The following ANKS1B variants were observed in gnomAD, a reference collection of about 807,000 sequenced individuals.
ANKS1B encodes the protein ankyrin repeat and sterile alpha motif domain-containing protein 1B.
A neutral mutation model predicts 148.3 loss-of-function variants in ANKS1B; 36 were observed. The ratio of observed to expected loss-of-function variants is 0.24; its 90% CI spans 0.19 to 0.32. The LOEUF is 0.32. ANKS1B is among the 10% of genes least tolerant of loss of function. ANKS1B has a pLI of 1.00. For missense variants in ANKS1B, 1,157 were observed against 1,542.6 expected (o/e 0.75, Z 4.19); for synonymous variants, 542 against 560.8 (o/e 0.97, Z 0.47).
intron 12 of ANKS1B, among the ~76,000 whole-genome samples, chr12:99,317,960 A>G (rs1023856268): frequency 1.3e-5 from 2 of 152,192 alleles, no homozygotes; most frequent in Admixed American, 1.3e-4. Context: ...TATATGACGG[A>G]TTAAGTTTAT....
At chr12:99,690,588 A>C (rs1397488938) in intron 8 of ANKS1B, among the ~76,000 whole-genome samples, 1 of 152,202 alleles carries the variant, frequency 6.6e-6, no homozygotes, top group Non-Finnish European at 1.5e-5. Flanking sequence ...GGGGCAATCA[A>C]ATCTTAAAGT....
At chr12:99,118,861 G>A (rs1034353799) in intron 15 of ANKS1B, among the ~76,000 whole-genome samples, 9 of 152,090 alleles carry the variant, frequency 5.9e-5, no homozygotes, top group African/African-American at 1.4e-4. Flanking sequence ...CAGGAGTAAC[G>A]AATTTCCTGA....
chr12:99,200,811 T>TC (rs2081986735), intron 14 of ANKS1B, among the ~76,000 whole-genome samples: 1 of 152,218 alleles, frequency 6.6e-6, no homozygotes, highest in African/African-American at 2.4e-5. Context: ...GGCAGAAGTC[T>TC]TTGCTCTTTT....
intron 1 of ANKS1B, among the ~76,000 whole-genome samples, chr12:99,943,722 A>G (rs1395166904): frequency 6.6e-6 from 1 of 152,002 alleles, no homozygotes; most frequent in Non-Finnish European, 1.5e-5. Context: ...TGCGGGGATT[A>G]TGGAAGCTAC....
intron 14 of ANKS1B, among the ~76,000 whole-genome samples, chr12:99,211,398 C>T (rs2083327254): frequency 6.6e-6 from 1 of 152,174 alleles, no homozygotes; most frequent in African/African-American, 2.4e-5. Context: ...GTCCCCTCTG[C>T]TTTAACCTTT....
At position 99,417,718 on chromosome 12, in the gene ANKS1B, A is replaced by C. The variant is rs142084589; in HGVS notation, c.1576-17907T>G. Among the ~76,000 whole-genome samples, 507 of 152,172 alleles carry C rather than the reference A, an allele frequency of 3.3e-3. 1 individual carries two copies. Among genetic ancestry groups the C allele is most frequent in the African/African-American group, 0.012 (499 of 41,530 alleles). On this transcript the variant is annotated intron_variant, in intron 11 of 26. Transcript: ENST00000683438. ...ACTTCTTTGAACATTTTTTTTCATC[A>C]GTGTTTTGTAGTTTTCAGTATACAA...
chr12:99,802,806 A>C (rs1004059000), intron 4 of ANKS1B, among the ~76,000 whole-genome samples: 5 of 151,916 alleles, frequency 3.3e-5, no homozygotes, highest in African/African-American at 1.2e-4. Context: ...CCACCTACTC[A>C]GGAGGCTGAA....
intron 10 of ANKS1B, among the ~76,000 whole-genome samples, chr12:99,467,772 G>A (rs547121766): frequency 6.6e-6 from 1 of 152,108 alleles, no homozygotes; most frequent in Admixed American, 6.5e-5. Flanking sequence ...ACAAACCACT[G>A]CTCAATGAAA....
chr12:99,982,480 T>C (rs1170563578), intron 1 of ANKS1B, among the ~76,000 whole-genome samples: 1 of 152,218 alleles, frequency 6.6e-6, no homozygotes, highest in Non-Finnish European at 1.5e-5. Context: ...TTCCTCATGT[T>C]TTCCCGAAGA....
At chr12:98,971,924 C>A (rs917893902) in intron 17 of ANKS1B, among the ~76,000 whole-genome samples, 10 of 152,082 alleles carry the variant, frequency 6.6e-5, no homozygotes, top group African/African-American at 2.4e-4. Flanking sequence ...TTCTGGCACT[C>A]TGGGAGGCTG....
intron 9 of ANKS1B, among the ~76,000 whole-genome samples, chr12:99,653,058 A>ACGTT (rs1211257240): frequency 6.6e-6 from 1 of 152,196 alleles, no homozygotes; most frequent in African/African-American, 2.4e-5. Flanking sequence ...GGTAAATGTA[A>ACGTT]CTAGAACATC....
At chr12:99,903,628 T>C (rs1363662521) in intron 1 of ANKS1B, among the ~76,000 whole-genome samples, 1 of 152,162 alleles carries the variant, frequency 6.6e-6, no homozygotes, top group Non-Finnish European at 1.5e-5. Flanking sequence ...TTAATTTTAA[T>C]AATACATTGT....
At chr12:99,169,083 T>C (rs2077488958) in intron 14 of ANKS1B, among the ~76,000 whole-genome samples, 1 of 152,358 alleles carries the variant, frequency 6.6e-6, no homozygotes. Context: ...CACTGATTTC[T>C]TCAATAAATA....
intron 17 of ANKS1B, among the ~76,000 whole-genome samples, chr12:98,923,724 C>T (rs1359637592): frequency 6.6e-6 from 1 of 152,200 alleles, no homozygotes; most frequent in Non-Finnish European, 1.5e-5. Flanking sequence ...AATTCTCCAC[C>T]TAACTTTGAC....
chr12:99,835,920 C>A (rs1028507955), intron 1 of ANKS1B, among the ~76,000 whole-genome samples: 2 of 152,072 alleles, frequency 1.3e-5, no homozygotes, highest in East Asian at 3.8e-4. Flanking sequence ...GCACATGTAT[C>A]CCAGAACTTA....
At chr12:99,864,831 C>A (rs2153722165) in intron 1 of ANKS1B, among the ~76,000 whole-genome samples, 1 of 152,250 alleles carries the variant, frequency 6.6e-6, no homozygotes, top group South Asian at 2.1e-4. Flanking sequence ...CATTAGCTTC[C>A]CCAAGCAGAA....
In ANKS1B at chr12:98,990,210, G is replaced by T. The variant is rs2099925758; in HGVS notation, c.2778+62947C>A. On this transcript the variant is annotated intron_variant, in intron 17 of 26. Coordinates refer to ENST00000683438, the MANE Select transcript of ANKS1B (RefSeq NM_001352186.2). The stretch of plus-strand genomic sequence containing the variant: ...CTTTCATCAGTGTTTTATGGTTTTT[G>T]GTGCAGAGATCTTTTACCTCCTTGG... Among the ~76,000 whole-genome samples, 3 of 151,916 alleles carry T rather than the reference G, an allele frequency of 2.0e-5. No homozygotes were observed. In the South Asian group the frequency reaches 6.2e-4, roughly 32 times the overall value.
chr12:99,695,976 T>G (rs1426395775), intron 8 of ANKS1B, among the ~76,000 whole-genome samples: 1 of 152,142 alleles, frequency 6.6e-6, no homozygotes, highest in Non-Finnish European at 1.5e-5. Flanking sequence ...ATTTAAAAAC[T>G]ACCTACTGGG....
chr12:99,443,517 G>A (rs2095584692), intron 11 of ANKS1B, among the ~76,000 whole-genome samples, 156 bp downstream of exon 11: 1 of 151,930 alleles, frequency 6.6e-6, no homozygotes, highest in African/African-American at 2.4e-5. Context: ...CAACTTGAAA[G>A]GAAGCAAACA....
Sources: allele counts gnomAD v4.1 joint callset (sites outside exome capture counted in the v4.1 genomes callset), GRCh38; gene constraint gnomAD v4.1.1; transcripts MANE v1.5; gene names NCBI Gene and HGNC (gene_info 2026-07-23, HGNC 2026-07-21).